The following MYO16 variants were observed in gnomAD, a reference collection of about 807,000 sequenced individuals.
MYO16 encodes myosin XVI, also known as unconventional myosin-XVI.
A neutral mutation model predicts 205.3 loss-of-function variants in MYO16; 94 were observed. The ratio of observed to expected loss-of-function variants is 0.46; its 90% CI spans 0.39 to 0.54. The LOEUF is 0.54. Among genes scored for constraint, MYO16 ranks in the 20% least tolerant of loss-of-function variants. The pLI is 0.00. For synonymous variants in MYO16, 988 were observed against 954.0 expected (o/e 1.04, Z -0.66); for missense variants, 2,315 against 2,387.5 (o/e 0.97, Z 0.63).
chr13:109,119,522 G>C (rs1875883662), intron 28 of MYO16, among the ~76,000 whole-genome samples: 1 of 152,068 alleles, frequency 6.6e-6, no homozygotes, highest in Non-Finnish European at 1.5e-5. Flanking sequence ...CTATGTGAGG[G>C]GTATTCCTCA....
chr13:109,083,920 T>C (rs767500654), intron 27 of MYO16, among the ~76,000 whole-genome samples: 1 of 152,208 alleles, frequency 6.6e-6, no homozygotes, highest in African/African-American at 2.4e-5. Flanking sequence ...GTAATATAGA[T>C]CTGTGGTCGT....
chr13:108,932,233 T>G (rs1882287524), intron 16 of MYO16, among the ~76,000 whole-genome samples: 1 of 152,262 alleles, frequency 6.6e-6, no homozygotes, highest in Non-Finnish European at 1.5e-5. Flanking sequence ...TTTATATCCA[T>G]AGTTGTTTTG....
At chr13:108,537,107 A>G in the MYO16 span, among the ~76,000 whole-genome samples, 1 of 152,080 alleles carries the variant, frequency 6.6e-6, no homozygotes, top group Non-Finnish European at 1.5e-5. Context: ...ATAATGAACA[A>G]TGTACCTAAT....
intron 1 of MYO16, among the ~76,000 whole-genome samples, chr13:108,623,985 T>C (rs1453894727): frequency 6.6e-6 from 1 of 152,176 alleles, no homozygotes; most frequent in Non-Finnish European, 1.5e-5. Context: ...GGGCTTGAAG[T>C]AAATTTGAAG....
At chr13:109,132,728 C>T (rs1408074065) in intron 31 of MYO16, among the ~76,000 whole-genome samples, 1 of 152,174 alleles carries the variant, frequency 6.6e-6, no homozygotes, top group Admixed American at 6.5e-5. Context: ...CTGTGTTGCT[C>T]TTCTGAGAAA....
chr13:109,172,060 A>G (rs1878943767), intron 33 of MYO16, among the ~76,000 whole-genome samples: 1 of 152,160 alleles, frequency 6.6e-6, no homozygotes, highest in Non-Finnish European at 1.5e-5. Flanking sequence ...TAGGGCGCCA[A>G]ACCACACCAG....
rs1594064518 is a variant in MYO16, at chr13:109,078,072, AT to A, written c.3335+22483del. 3.3e-5 allele frequency among the ~76,000 whole-genome samples: 5 copies of A among 152,112 alleles called. No individual in the cohort carries two copies. The South Asian group carries it at 1.0e-3, about 32-fold the overall frequency. On this transcript the variant is annotated intron_variant, in intron 27 of 34. Transcript: ENST00000457511. ...ATCTTCTGTTCATCCAATTCAATGC[AT>A]TTTTTGGTTTAAGTTATTGTAGTTT...
chr13:109,128,758 C>T (rs1876385901), intron 31 of MYO16, among the ~76,000 whole-genome samples: 1 of 148,926 alleles, frequency 6.7e-6, no homozygotes, highest in Non-Finnish European at 1.5e-5. Context: ...ACTTAGTGTC[C>T]ACTTTTTTAG....
rs111405737 is a variant in MYO16, at chr13:108,835,335, C to T, written c.1098-9008C>T. On this transcript the variant is annotated intron_variant, in intron 9 of 34. Coordinates refer to ENST00000457511, the MANE Select transcript of MYO16 (RefSeq NM_001198950.3). The stretch of plus-strand genomic sequence containing the variant: ...TGGCACTCATTCTCTCTCCTGTCAC[C>T]TTGTGAAGAGATTCCTCCTGCAATT... Among the ~76,000 whole-genome samples the T allele has an allele frequency of 7.4e-4, 113 of 152,290 alleles. 1 individual carries two copies. The highest frequency in any genetic ancestry group is 2.6e-3 in the African/African-American group (109 of 41,574).
chr13:109,178,142 C>G (rs9515000), intron 33 of MYO16, among the ~76,000 whole-genome samples: 22 of 152,126 alleles, frequency 1.4e-4, no homozygotes, highest in Non-Finnish European at 3.1e-4. Context: ...TCCCTTCCGC[C>G]TGTGTGAATT....
chr13:108,688,133 C>A (rs537704804), intron 2 of MYO16, among the ~76,000 whole-genome samples: 10 of 152,072 alleles, frequency 6.6e-5, no homozygotes, highest in Non-Finnish European at 1.5e-4. Flanking sequence ...CTTTGTAATT[C>A]TTTCTCTTGT....
rs1304827738 is a variant in MYO16 at position 109,022,304 on chromosome 13, ATATTTATATATTATATACAAATATATATT to A, written c.2796+2397_2796+2425del. On this transcript the variant is annotated intron_variant, in intron 23 of 34. Transcript: ENST00000457511. The stretch of plus-strand genomic sequence containing the variant: ...ATATACAAATATAATATACAAATAT[ATATTTATATATTATATACAAATATATATT>A]TATATATTATATACAAATATATATG... 2.2e-4 allele frequency among the ~76,000 whole-genome samples: 5 copies of A among 22,558 alleles called. No homozygotes were observed. In the East Asian group the frequency reaches 0.022, roughly 100 times the overall value. 14.8% of individuals were successfully genotyped at this position (22,558 alleles called of 152,430 possible).
At chr13:109,022,689 T>TAC (rs1491449104) in intron 23 of MYO16, among the ~76,000 whole-genome samples, 1 of 118,854 alleles carries the variant, frequency 8.4e-6, no homozygotes, top group Non-Finnish European at 1.7e-5. Context: ...CATATAAACA[T>TAC]GTATATATTT....
At chr13:108,841,439 A>G (rs1044337076) in intron 9 of MYO16, among the ~76,000 whole-genome samples, 5 of 152,220 alleles carry the variant, frequency 3.3e-5, no homozygotes, top group African/African-American at 9.6e-5. Flanking sequence ...GTCAAAGTGT[A>G]AAGCTTAAAA....
At chr13:108,742,615 A>G (rs116130750) in intron 4 of MYO16, among the ~76,000 whole-genome samples, 83 of 152,314 alleles carry the variant, frequency 5.4e-4, no homozygotes, top group African/African-American at 1.9e-3. Context: ...TAAAAAAACA[A>G]TTCCAAGGTA....
upstream of MYO16, among the ~76,000 whole-genome samples, chr13:108,624,768 C>T (rs1879667790): frequency 2.7e-5 from 4 of 146,292 alleles, no homozygotes; most frequent in South Asian, 8.7e-4. Flanking sequence ...GCAATTAGAA[C>T]ATCCCATATA....
chr13:108,718,453 A>C (rs959855737), intron 3 of MYO16, among the ~76,000 whole-genome samples: 2 of 150,648 alleles, frequency 1.3e-5, no homozygotes, highest in Non-Finnish European at 3.0e-5. Context: ...CCCACTCCAC[A>C]TCCTCCAAGG....
At chr13:109,018,996 G>T (rs993121166) in intron 22 of MYO16, among the ~76,000 whole-genome samples, 1 of 150,484 alleles carries the variant, frequency 6.6e-6, no homozygotes, top group Non-Finnish European at 1.5e-5. Context: ...TTGAGGCAGG[G>T]TTGCGTCTGT....
Position 109,127,196 on chromosome 13 carries a change from G to A in MYO16, c.3783-86G>A. ...CTGCTTGCCAAAAAGCCGTCATTAT[G>A]TCTGCTTGAGCAGGTTCCTTGTTAC... On this transcript the variant is annotated intron_variant, in intron 30 of 34. Coordinates refer to ENST00000457511, the MANE Select transcript of MYO16 (RefSeq NM_001198950.3). This position sits in a 1 kb window ranked among gnomAD's most constrained non-coding sequence, Gnocchi z 4.2. 1.4e-6 allele frequency: 2 copies of A among 1,453,236 alleles called. No homozygotes were observed. Among genetic ancestry groups the A allele is most frequent in the South Asian group, 1.4e-5 (1 of 69,204 alleles). The allele number at this position is 1,453,236 out of a possible 1,614,324, so 90.0% of individuals were successfully genotyped here.
Sources: gnomAD v4.1 joint callset for allele counts (sites outside exome capture counted in the v4.1 genomes callset) on GRCh38, gnomAD v4.1.1 for gene constraint, Gnocchi (gnomAD v3.1) non-coding constraint, MANE v1.5 for transcripts, NCBI Gene and HGNC (gene_info 2026-07-23, HGNC 2026-07-21) for gene names.